RILPL1: variants seen among roughly 807,000 people sequenced by gnomAD.
The protein encoded by RILPL1 is RILP-like protein 1.
Under a neutral mutation model 50.3 loss-of-function variants are expected in RILPL1, and 33 were observed. The observed-to-expected ratio is 0.66, with a 90% CI of 0.50 to 0.88. RILPL1 has a LOEUF of 0.88. RILPL1 is among the 40% of genes least tolerant of loss of function. The pLI, the probability that RILPL1 is intolerant of heterozygous loss-of-function variation, is 0.00. For missense variants in RILPL1, 418 were observed against 542.5 expected (o/e 0.77, Z 2.28); for synonymous variants, 205 against 228.6 (o/e 0.90, Z 0.93).
At chr12:123,475,351 G>A (rs1002860729) in intron 6 of RILPL1, 7 of 372,614 alleles carry the variant, frequency 1.9e-5, no homozygotes, top group South Asian at 6.4e-5. Context: ...CGCAGTGGGC[G>A]TTGATTACTG....
chr12:123,495,868 A>G (rs1593555808), intron 4 of RILPL1, among the ~76,000 whole-genome samples: 1 of 151,090 alleles, frequency 6.6e-6, no homozygotes, highest in Non-Finnish European at 1.5e-5. Flanking sequence ...TTTAGTAGAG[A>G]CGGGGTTTCG....
intron 6 of RILPL1, 165 bp from the exon 7 acceptor site, chr12:123,472,847 G>T: frequency 1.5e-6 from 1 of 684,010 alleles, no homozygotes; most frequent in Non-Finnish European, 2.4e-6. Flanking sequence ...TTCCAAGAAA[G>T]CAGCAGGGTA....
At chr12:123,513,225 G>C (rs559051816) in intron 2 of RILPL1, 14 of 251,504 alleles carry the variant, frequency 5.6e-5, no homozygotes, top group South Asian at 4.5e-4. Context: ...TGTGTGTGTC[G>C]TGTGTGTTTG....
chr12:123,503,397 C>T (rs146379934), intron 2 of RILPL1, among the ~76,000 whole-genome samples: 7,039 of 151,360 alleles, frequency 0.047, 249 homozygotes, highest in Non-Finnish European at 0.068. Context: ...GATGGGGTTT[C>T]ACCACGTTGG....
chr12:123,473,532 T>G (rs976191765), intron 6 of RILPL1: 1 of 151,678 alleles, frequency 6.6e-6, no homozygotes, highest in African/African-American at 2.4e-5. Flanking sequence ...AAAATAAATA[T>G]ATATATATAA....
At position 123,476,026 on chromosome 12, in the gene RILPL1, C is replaced by T. The variant is rs899547417; in HGVS notation, c.1068-3344G>A. On this transcript the variant is annotated intron_variant, in intron 6 of 6. Coordinates refer to ENST00000376874, the MANE Select transcript of RILPL1 (RefSeq NM_178314.5). Reference sequence around the variant, plus strand: ...TCAAGCGATTCTCCTGCCTTAGCCTCCTGAGTGGCTAGGGATTATAGGCGT... The same window carrying T: ...TCAAGCGATTCTCCTGCCTTAGCCTTCTGAGTGGCTAGGGATTATAGGCGT... The T allele has an allele frequency of 2.3e-5, 8 of 355,076 alleles. No homozygotes were observed. The Admixed American group carries it at 3.1e-4, about 14-fold the overall frequency. The allele number at this position is 355,076 out of a possible 1,614,324, so 22.0% of individuals were successfully genotyped here.
chr12:123,478,600 CAG>C (rs1453448007), intron 6 of RILPL1, among the ~76,000 whole-genome samples: 1 of 151,842 alleles, frequency 6.6e-6, no homozygotes, highest in Non-Finnish European at 1.5e-5. Context: ...GGTGGGAGGA[CAG>C]GGATAGAATG....
At chr12:123,504,000 CA>C (rs552223986) in intron 2 of RILPL1, among the ~76,000 whole-genome samples, 30,204 of 104,420 alleles carry the variant, frequency 0.29, 4,006 homozygotes, top group African/African-American at 0.48. Context: ...GACTCTATCT[CA>C]AAAAAAAAAA....
In RILPL1 at chr12:123,532,531, GTC is replaced by G. The variant is rs143480607; in HGVS notation, c.309+641_309+642del. On this transcript the variant is annotated intron_variant, in intron 1 of 6. Transcript: ENST00000376874. ...TTTCTTTATCTGTAAAATGAAGATAGTCTCTATAGAGTCCTGTGAGGATTAAG... is the reference window on the plus strand; with the variant it reads ...TTTCTTTATCTGTAAAATGAAGATAGTCTATAGAGTCCTGTGAGGATTAAG... 4.0e-4 allele frequency among the ~76,000 whole-genome samples: 61 copies of G among 152,284 alleles called. No homozygotes were observed. The East Asian group carries it at 0.012, about 29-fold the overall frequency.
Sources: allele counts gnomAD v4.1 joint callset (sites outside exome capture counted in the v4.1 genomes callset), GRCh38; gene constraint gnomAD v4.1.1; transcripts MANE v1.5; gene names NCBI Gene and HGNC (gene_info 2026-07-23, HGNC 2026-07-21).